Variants in PLEKHA5 observed in about 807,000 individuals in gnomAD.
PLEKHA5 encodes pleckstrin homology domain-containing family A member 5.
Under a neutral mutation model 181.9 loss-of-function variants are expected in PLEKHA5, and 55 were observed. That is an observed-to-expected ratio of 0.30 (90% CI 0.24 to 0.38). The LOEUF is 0.38. Ranked by LOEUF, PLEKHA5 falls within the 10% of genes least tolerant of loss-of-function variation. The pLI is 1.00. For missense variants in PLEKHA5, 1,432 were observed against 1,549.5 expected, an observed-to-expected ratio of 0.92 and a Z score of 1.27; for synonymous variants, 535 against 529.4, an observed-to-expected ratio of 1.01 and a Z score of -0.15.
At chr12:19,260,871 AAAT>A in intron 6 of PLEKHA5, 75 bp from the exon 7 acceptor site, 1 of 862,744 alleles carries the variant, frequency 1.2e-6, no homozygotes, top group Non-Finnish European at 1.8e-6. Context: ...AAAAAAATAA[AAAT>A]AAATAAATAA....
intron 29 of PLEKHA5, among the ~76,000 whole-genome samples, chr12:19,363,417 T>C (rs2095324874): frequency 6.6e-6 from 1 of 151,990 alleles, no homozygotes; most frequent in Admixed American, 6.6e-5. Flanking sequence ...TCAGCCCGCC[T>C]TGGCCTCCCA....
At chr12:19,295,351 C>T (rs1260036785) in intron 15 of PLEKHA5, among the ~76,000 whole-genome samples, 1 of 152,064 alleles carries the variant, frequency 6.6e-6, no homozygotes, top group Non-Finnish European at 1.5e-5. Context: ...GTTTATTTTT[C>T]TGCCTAACAG....
chr12:19,366,885 T>G (rs1003830389), intron 30 of PLEKHA5, among the ~76,000 whole-genome samples: 17 of 152,276 alleles, frequency 1.1e-4, no homozygotes, highest in Admixed American at 1.1e-3. Context: ...CTGTGCTCTA[T>G]TCTCTCATAT....
intron 3 of PLEKHA5, among the ~76,000 whole-genome samples, chr12:19,194,925 A>T (rs574225782): frequency 5.9e-5 from 9 of 152,350 alleles, no homozygotes; most frequent in Non-Finnish European, 1.0e-4. Flanking sequence ...TATAAAAATC[A>T]AATTATAGGT....
intron 15 of PLEKHA5, among the ~76,000 whole-genome samples, chr12:19,313,888 G>A (rs1354699146): frequency 1.3e-5 from 2 of 152,014 alleles, no homozygotes; most frequent in Non-Finnish European, 2.9e-5. Flanking sequence ...TTAATTTTGA[G>A]ATTAATGAAC....
At chr12:19,227,617 G>T (rs368583778) in intron 3 of PLEKHA5, among the ~76,000 whole-genome samples, 2 of 152,276 alleles carry the variant, frequency 1.3e-5, no homozygotes, top group South Asian at 2.1e-4. Flanking sequence ...AAGGGCAAAT[G>T]AATTAATTTC....
intron 8 of PLEKHA5, among the ~76,000 whole-genome samples, chr12:19,268,718 G>T (rs976643523): frequency 6.6e-6 from 1 of 152,110 alleles, no homozygotes; most frequent in Non-Finnish European, 1.5e-5. Flanking sequence ...TTGAGTCATG[G>T]CTAGAACTGG....
rs560331105 is a variant in PLEKHA5, at chr12:19,339,225, G to A, written c.2550+2609G>A. Among the ~76,000 whole-genome samples the A allele has an allele frequency of 3.3e-5, 5 of 152,024 alleles. No homozygotes were observed. The South Asian group carries it at 1.0e-3, about 32-fold the overall frequency. On this transcript the variant is annotated intron_variant, in intron 21 of 31. Transcript: ENST00000429027. ...CTGGCTAATTTTTGTATTTTTAGTA[G>A]AGACAAGGTTTCACCATGTTAGCCA... is the stretch of plus-strand genomic sequence containing the variant.
chr12:19,352,977 A>G (rs546192445), intron 25 of PLEKHA5, among the ~76,000 whole-genome samples: 2 of 145,944 alleles, frequency 1.4e-5, no homozygotes, highest in South Asian at 2.2e-4. Flanking sequence ...TTTTGGAGAC[A>G]GGGTCTCACT....
At position 19,362,935 on chromosome 12, in the gene PLEKHA5, G is replaced by A. The variant is rs187099472; in HGVS notation, c.3608+1229G>A. 3.3e-5 allele frequency among the ~76,000 whole-genome samples: 5 copies of A among 151,648 alleles called. 1 individual carries two copies. The highest frequency in any genetic ancestry group is 3.3e-4 in the Admixed American group (5 of 15,234). ...TGGATTCCGAACCCATGGATCTGGAGGGCCAACTGTACTATGCCATTTGAT... is the reference window on the plus strand; with the variant it reads ...TGGATTCCGAACCCATGGATCTGGAAGGCCAACTGTACTATGCCATTTGAT... On this transcript the variant is annotated intron_variant, in intron 29 of 31. Transcript: ENST00000429027.
intron 3 of PLEKHA5, among the ~76,000 whole-genome samples, chr12:19,168,879 GC>G (rs1186005229): frequency 6.6e-6 from 1 of 152,182 alleles, no homozygotes; most frequent in Admixed American, 6.5e-5. Flanking sequence ...ATTGGAATCA[GC>G]CAGGCTTAGC....
At chr12:19,189,083 A>G (rs573425545) in intron 3 of PLEKHA5, among the ~76,000 whole-genome samples, 1 of 152,302 alleles carries the variant, frequency 6.6e-6, no homozygotes, top group East Asian at 1.9e-4. Context: ...ACATATATTT[A>G]GTTTACCAGA....
intron 3 of PLEKHA5, among the ~76,000 whole-genome samples, chr12:19,246,468 C>T (rs868399971): frequency 6.6e-6 from 1 of 151,264 alleles, no homozygotes; most frequent in Non-Finnish European, 1.5e-5. Context: ...ACTAAAAATA[C>T]AAAAATTAGC....
chr12:19,361,601 T>C lies in PLEKHA5; in HGVS notation c.3503T>C (p.Ile1168Thr). The C allele has an allele frequency of 6.6e-7, 1 of 1,511,064 alleles. No homozygotes were observed. The highest frequency in any genetic ancestry group is 9.1e-7 in the Non-Finnish European group (1 of 1,100,432). The allele number at this position is 1,511,064 out of a possible 1,614,324, so 93.6% of individuals were successfully genotyped here. ...CTACAGTTAAAAAAAACTGAAAACATTTCATATGAAATGCTTTTTGAACCT... is the reference window on the plus strand; with the variant it reads ...CTACAGTTAAAAAAAACTGAAAACACTTCATATGAAATGCTTTTTGAACCT... ...FSKELKKTEN[I>T]SYEMLFEPEP... The change falls in exon 29 of 32, where the codon ATT becomes ACT. Residue 1168 changes from isoleucine to threonine, a missense_variant. Physicochemically the swap from Ile to Thr is moderately conservative, Grantham distance 89. This residue lies in a region of PLEKHA5 where 1,143 missense variants were observed against 1,168.4 expected (regional missense o/e 0.98). Coordinates refer to ENST00000429027, the MANE Select transcript of PLEKHA5 (RefSeq NM_001256470.2).
At chr12:19,278,831 C>T (rs1405167049) in intron 11 of PLEKHA5, among the ~76,000 whole-genome samples, 2 of 152,172 alleles carry the variant, frequency 1.3e-5, no homozygotes, top group African/African-American at 2.4e-5. Flanking sequence ...GGCATCGAAT[C>T]GGATGGTTGG....
In PLEKHA5 at chr12:19,366,044, A is replaced by G; in HGVS notation, c.3689A>G (p.Gln1230Arg). 1.2e-6 allele frequency: 2 copies of G among 1,611,062 alleles called. No individual in the cohort carries two copies. The highest frequency in any genetic ancestry group is 1.7e-6 in the Non-Finnish European group (2 of 1,177,692). Residue 1230 changes from glutamine (Q) to arginine (R), a missense_variant, in exon 30 of 32, where the codon CAG becomes CGG. Physicochemically the swap from Gln to Arg is conservative, Grantham distance 43. Transcript: ENST00000429027. ...EENTKNSVDEQEETVISYEST... is the reference protein window; with the variant it reads ...EENTKNSVDEREETVISYEST... ...AATACAAAGAACAGTGTTGACGAAC[A>G]GGAAGAAACTGTTATTTCTTACGAA... is the stretch of plus-strand genomic sequence containing the variant.
At chr12:19,272,476 C>T (rs374928528) in intron 10 of PLEKHA5, among the ~76,000 whole-genome samples, 5 of 152,230 alleles carry the variant, frequency 3.3e-5, no homozygotes, top group South Asian at 2.1e-4. Flanking sequence ...CGGTGGCTCA[C>T]GCTTGTAACC....
intron 20 of PLEKHA5, among the ~76,000 whole-genome samples, chr12:19,323,927 C>A (rs1428680481): frequency 6.6e-6 from 1 of 151,908 alleles, no homozygotes; most frequent in Non-Finnish European, 1.5e-5. Flanking sequence ...TCTTAACTTG[C>A]AGCTTATAAA....
chr12:19,354,143 CT>C (rs750923063), intron 26 of PLEKHA5, 141 bp downstream of exon 26: 799 of 74,746 alleles, frequency 0.011, no homozygotes, highest in South Asian at 0.034. Context: ...ATTCTTTATT[CT>C]TTTTTTTTTT....
Sources: gnomAD v4.1 joint callset for allele counts (sites outside exome capture counted in the v4.1 genomes callset) on GRCh38, gnomAD v4.1.1 for gene constraint, gnomAD v4.1.1 regional missense constraint, MANE v1.5 for transcripts, NCBI Gene and HGNC (gene_info 2026-07-23, HGNC 2026-07-21) for gene names.